The following ZNF496 variants were observed in gnomAD, a reference collection of about 807,000 sequenced individuals.
ZNF496 encodes the protein NSD1 (nuclear receptor binding SET-domain containing 1)-interacting zinc finger protein 1.
In ZNF496, 11 loss-of-function variants were observed where a neutral mutation model predicts 58.9. The observed-to-expected ratio is 0.19, with a 90% CI of 0.12 to 0.31. The LOEUF is 0.31. Ranked by LOEUF, ZNF496 falls within the 10% of genes least tolerant of loss-of-function variation. The pLI is 1.00. For missense variants in ZNF496, 660 were observed against 783.0 expected (o/e 0.84, Z 1.88); for synonymous variants, 338 against 318.2 (o/e 1.06, Z -0.66).
In ZNF496 at chr1:247,300,347, G is replaced by C; in HGVS notation, c.*172C>G. The C allele has an allele frequency of 1.6e-6, 1 of 607,466 alleles. No homozygotes were observed. The highest frequency in any genetic ancestry group is 1.8e-5 in the African/African-American group (1 of 54,764). The allele number at this position is 607,466 out of a possible 1,614,324, so 37.6% of individuals were successfully genotyped here. Reference sequence around the variant, plus strand: ...ACTTGGCCACTCTTTCATTACCTGGGGGAGGGAGAGTGCTCCCATGGCACC... The same window carrying C: ...ACTTGGCCACTCTTTCATTACCTGGCGGAGGGAGAGTGCTCCCATGGCACC... On this transcript the variant is annotated 3_prime_UTR_variant, in exon 10 of 10. Transcript: ENST00000682384. The surrounding 1 kb of genome is among the most constrained non-coding windows in gnomAD (Gnocchi z 5.7).
chr1:247,321,396 T>C (rs776874841), intron 6 of ZNF496, among the ~76,000 whole-genome samples: 16 of 152,156 alleles, frequency 1.1e-4, no homozygotes, highest in Non-Finnish European at 2.2e-4. Flanking sequence ...ATTTAACGTA[T>C]AGAGAATTTC....
intron 6 of ZNF496, chr1:247,313,664 C>T (rs1659680549): frequency 6.6e-6 from 1 of 152,182 alleles, no homozygotes; most frequent in Non-Finnish European, 1.5e-5. Flanking sequence ...AGGGATTTCT[C>T]AAGTTTATGT....
intron 5 of ZNF496, among the ~76,000 whole-genome samples, chr1:247,327,030 C>A (rs1453176892): frequency 2.0e-5 from 3 of 152,114 alleles, no homozygotes; most frequent in African/African-American, 4.8e-5. Flanking sequence ...CCAAAGAGAG[C>A]CAGTGGCATA....
chr1:247,324,346 G>A (rs1301966094), intron 5 of ZNF496, among the ~76,000 whole-genome samples: 1 of 152,158 alleles, frequency 6.6e-6, no homozygotes, highest in African/African-American at 2.4e-5. Context: ...TGGTCAAAGT[G>A]TACAAAATTT....
At chr1:247,327,845 A>G (rs1171496972) in intron 5 of ZNF496, among the ~76,000 whole-genome samples, 1 of 149,666 alleles carries the variant, frequency 6.7e-6, no homozygotes, top group Non-Finnish European at 1.5e-5. Context: ...TTTCCACTGT[A>G]CATATAAAGC....
At chr1:247,304,353 T>C (rs992959444) in intron 9 of ZNF496, among the ~76,000 whole-genome samples, 1 of 148,222 alleles carries the variant, frequency 6.7e-6, no homozygotes, top group African/African-American at 2.5e-5. Flanking sequence ...TAAAATCCCA[T>C]GGAAATGACC....
chr1:247,301,897 T>C (rs1659251859), intron 9 of ZNF496, among the ~76,000 whole-genome samples: 4 of 152,124 alleles, frequency 2.6e-5, no homozygotes, highest in Non-Finnish European at 5.9e-5. Flanking sequence ...TGCTCAACAG[T>C]CCCAGACTGC....
chr1:247,330,145 C>T (rs541385008), intron 2 of ZNF496, 64 bp from the exon 3 acceptor site: 1 of 152,404 alleles, frequency 6.6e-6, no homozygotes, highest in African/African-American at 2.4e-5. Flanking sequence ...AAAATCCACC[C>T]TTCTGGTGGC....
At chr1:247,328,406 C>A (rs1048988147) in intron 5 of ZNF496, among the ~76,000 whole-genome samples, 2 of 152,138 alleles carry the variant, frequency 1.3e-5, no homozygotes, top group African/African-American at 4.8e-5. Flanking sequence ...GATGCACCCT[C>A]GAAGAGATGA....
chr1:247,305,890 G>C (rs1462411174), intron 9 of ZNF496, among the ~76,000 whole-genome samples: 1 of 152,184 alleles, frequency 6.6e-6, no homozygotes, highest in Non-Finnish European at 1.5e-5. Flanking sequence ...GACCAGTCTA[G>C]GCAACATAAA....
In ZNF496 at chr1:247,329,604, C is replaced by T. The variant is rs1660251610; in HGVS notation, c.-26G>A. ...GATGGGATTTGATGGGGGTCAGCAG[C>T]AGAAGACGACCCTATTTCCAAACAG... On this transcript the variant is annotated 5_prime_UTR_variant, in exon 4 of 10. Transcript: ENST00000682384. This position sits in a 1 kb window ranked among gnomAD's most constrained non-coding sequence, Gnocchi z 5.5. 2 of 1,523,728 alleles carry T rather than the reference C, an allele frequency of 1.3e-6. No homozygotes were observed. Among genetic ancestry groups the T allele is most frequent in the African/African-American group, 2.8e-5 (2 of 71,582 alleles). 94.4% of individuals were successfully genotyped at this position (1,523,728 alleles called of 1,614,324 possible).
intron 6 of ZNF496, among the ~76,000 whole-genome samples, chr1:247,321,790 T>C (rs1023712441): frequency 3.9e-5 from 6 of 152,210 alleles, no homozygotes; most frequent in Non-Finnish European, 7.3e-5. Context: ...CAAATTTTAA[T>C]AAGAAATACT....
At chr1:247,328,977 G>T in intron 4 of ZNF496, 111 bp from the exon 5 acceptor site, 1 of 1,427,002 alleles carries the variant, frequency 7.0e-7, no homozygotes, top group Non-Finnish European at 9.4e-7. Context: ...CTTAGGCCTT[G>T]GACTGGGCTG....
In ZNF496 at chr1:247,328,776, C is replaced by A. The variant is rs74634615; in HGVS notation, c.481G>T (p.Asp161Tyr). 1.1e-5 allele frequency: 17 copies of A among 1,613,674 alleles called. No homozygotes were observed. The African/African-American group carries it at 2.0e-4, about 19-fold the overall frequency. Residue 161 changes from aspartate to tyrosine, a missense_variant, in exon 5 of 10, where the codon GAC becomes TAC. Coordinates refer to ENST00000682384, the MANE Select transcript of ZNF496 (RefSeq NM_032752.3). Reference protein sequence around the residue: ...QEQLPVEPHSDLAKNQDAQPI... With the variant: ...QEQLPVEPHSYLAKNQDAQPI... ...TGGGCATCCTGGTTCTTTGCAAGGT[C>A]GCTGTGGGGCTCTACCGGCAGCTGC... is the stretch of plus-strand genomic sequence containing the variant.
intron 9 of ZNF496, among the ~76,000 whole-genome samples, chr1:247,306,514 CTTTTTTTTTTT>C (rs1558437360): frequency 7.8e-6 from 1 of 128,562 alleles, no homozygotes; most frequent in East Asian, 2.7e-4. Context: ...TTTTCTTTTT[CTTTTTTTTTTT>C]GGAGACAGAC....
At chr1:247,328,503 G>C (rs1660212188) in intron 5 of ZNF496, among the ~76,000 whole-genome samples, 180 bp downstream of exon 5, 1 of 152,166 alleles carries the variant, frequency 6.6e-6, no homozygotes, top group African/African-American at 2.4e-5. Flanking sequence ...ATCCTGATGA[G>C]GTTCTCATTT....
Position 247,329,050 on chromosome 1 carries a change from A to G in ZNF496, c.390+139T>C. 1 of 1,460,298 alleles carries G rather than the reference A, an allele frequency of 6.8e-7. No individual in the cohort carries two copies. Among genetic ancestry groups the G allele is most frequent in the South Asian group, 1.2e-5 (1 of 80,986 alleles). 90.5% of individuals were successfully genotyped at this position (1,460,298 alleles called of 1,614,324 possible). ...TTCAGGGAGTAAAACTGGCTTTCTT[A>G]GGAAACTCTAGTCTGGACCTAACCA... On this transcript the variant is annotated intron_variant, in intron 4 of 9. Transcript: ENST00000682384. The surrounding 1 kb of genome is among the most constrained non-coding windows in gnomAD (Gnocchi z 5.5).
chr1:247,329,420 C>G lies in ZNF496; in HGVS notation c.159G>C (p.Ala53=), dbSNP rs544463119. Residue 53 remains alanine (A), a synonymous_variant, in exon 4 of 10, where the codon GCG becomes GCC. Coordinates refer to ENST00000682384, the MANE Select transcript of ZNF496 (RefSeq NM_032752.3). This position sits in a 1 kb window ranked among gnomAD's most constrained non-coding sequence, Gnocchi z 5.5. ...RLFRRFRYQE[A]AGPREALQRL... is the part of the protein sequence containing the mutation. ...GCTGCAGGGCCTCCCGGGGGCCCGC[C>G]GCCTCCTGGTAGCGGAAACGGCGGA... The G allele has an allele frequency of 1.2e-6, 2 of 1,613,162 alleles. No homozygotes were observed. The highest frequency in any genetic ancestry group is 1.7e-6 in the Non-Finnish European group (2 of 1,179,710).
Position 247,309,862 on chromosome 1 carries a change from C to T in ZNF496, c.785-56G>A. On this transcript the variant is annotated intron_variant, in intron 7 of 9. Coordinates refer to ENST00000682384, the MANE Select transcript of ZNF496 (RefSeq NM_032752.3). This position sits in a 1 kb window ranked among gnomAD's most constrained non-coding sequence, Gnocchi z 4.3. ...TATTAGTAATCTGATCCTGCAGCAA[C>T]CAGGGCTGGTCCAGAAGAGAGAAGG... 1.3e-6 allele frequency: 2 copies of T among 1,588,666 alleles called. No individual in the cohort carries two copies. The highest frequency in any genetic ancestry group is 1.1e-5 in the South Asian group (1 of 89,346).
Sources: gnomAD v4.1 joint callset for allele counts (sites outside exome capture counted in the v4.1 genomes callset) on GRCh38, gnomAD v4.1.1 for gene constraint, Gnocchi (gnomAD v3.1) non-coding constraint, MANE v1.5 for transcripts, NCBI Gene and HGNC (gene_info 2026-07-23, HGNC 2026-07-21) for gene names.